TAFA1: variants seen among roughly 807,000 people sequenced by gnomAD.
The protein encoded by TAFA1 is chemokine-like protein TAFA-1.
In TAFA1, 4 loss-of-function variants were observed where a neutral mutation model predicts 18.5. The ratio of observed to expected loss-of-function variants is 0.22; its 90% CI spans 0.11 to 0.49. TAFA1 has a LOEUF of 0.49. Among genes scored for constraint, TAFA1 ranks in the 20% least tolerant of loss-of-function variants. The pLI is 0.98. For synonymous variants in TAFA1, 56 were observed against 55.2 expected (o/e 1.01, Z -0.06); for missense variants, 147 against 169.0 (o/e 0.87, Z 0.72).
At chr3:68,322,685 G>A (rs2068714030) in intron 2 of TAFA1, among the ~76,000 whole-genome samples, 1 of 152,168 alleles carries the variant, frequency 6.6e-6, no homozygotes, top group African/African-American at 2.4e-5. Context: ...GCTCATGCCT[G>A]TAATCCCAGC....
chr3:68,105,254 G>A (rs1326443170), intron 2 of TAFA1, among the ~76,000 whole-genome samples: 1 of 152,008 alleles, frequency 6.6e-6, no homozygotes, highest in Non-Finnish European at 1.5e-5. Flanking sequence ...GATTTGGAGG[G>A]GACATTCAAA....
intron 2 of TAFA1, among the ~76,000 whole-genome samples, chr3:68,333,905 C>G (rs7614996): frequency 0.17 from 25,937 of 152,108 alleles, 2,662 homozygotes; most frequent in South Asian, 0.23. Context: ...CCATCCACAG[C>G]AAGACAAATA....
At chr3:68,032,330 C>A (rs1704952663) in intron 2 of TAFA1, among the ~76,000 whole-genome samples, 3 of 152,018 alleles carry the variant, frequency 2.0e-5, no homozygotes, top group Admixed American at 6.6e-5. Context: ...ATTTAGTCTA[C>A]CCTTGTTTTG....
the TAFA1 span, among the ~76,000 whole-genome samples, chr3:67,995,135 C>G: frequency 2.0e-5 from 3 of 152,302 alleles, no homozygotes; most frequent in East Asian, 1.9e-4. Flanking sequence ...AGATGCCTAC[C>G]TTGGGCTAAC....
chr3:68,529,794 T>C (rs1336815979), intron 3 of TAFA1, among the ~76,000 whole-genome samples: 2 of 152,134 alleles, frequency 1.3e-5, no homozygotes, highest in African/African-American at 2.4e-5. Flanking sequence ...CCCTCCCCTG[T>C]AGGGGAATTG....
intron 2 of TAFA1, among the ~76,000 whole-genome samples, chr3:68,396,922 T>A (rs957997608): frequency 6.6e-6 from 1 of 152,186 alleles, no homozygotes; most frequent in Non-Finnish European, 1.5e-5. Flanking sequence ...TACAACTGAT[T>A]GTCTTTCACC....
intron 2 of TAFA1, among the ~76,000 whole-genome samples, chr3:68,127,919 T>G (rs1482107610): frequency 4.6e-5 from 7 of 150,902 alleles, no homozygotes; most frequent in African/African-American, 1.7e-4. Flanking sequence ...GTTGTGGTGA[T>G]GCTTATGGCA....
In TAFA1 at chr3:68,311,917, C is replaced by T. The variant is rs187104001; in HGVS notation, c.119-105363C>T. Among the ~76,000 whole-genome samples the T allele has an allele frequency of 2.3e-3, 346 of 152,344 alleles. 2 individuals are homozygous for T. The highest frequency in any genetic ancestry group is 8.1e-3 in the African/African-American group (335 of 41,586). ...GCAGAGGTTCTCCATGAGGGGCATG[C>T]CCCTGCAGCAAACTTCTGCCTAGGC... On this transcript the variant is annotated intron_variant, in intron 2 of 4. Coordinates refer to ENST00000478136, the MANE Select transcript of TAFA1 (RefSeq NM_213609.4).
intron 2 of TAFA1, among the ~76,000 whole-genome samples, chr3:68,264,700 G>T (rs1030436046): frequency 1.4e-4 from 13 of 95,636 alleles, no homozygotes; most frequent in East Asian, 2.3e-4. Context: ...TTTATAGAAA[G>T]TATATATAGA....
intron 2 of TAFA1, among the ~76,000 whole-genome samples, chr3:68,349,146 G>C (rs529843645): frequency 1.1e-4 from 17 of 151,692 alleles, no homozygotes; most frequent in African/African-American, 4.1e-4. Context: ...CATAAAATTT[G>C]AGATCAATTC....
At chr3:68,305,400 ACTATAT>A (rs372026894) in intron 2 of TAFA1, among the ~76,000 whole-genome samples, 4,164 of 72,690 alleles carry the variant, frequency 0.057, 331 homozygotes, top group East Asian at 0.25. Context: ...ACTATATATG[ACTATAT>A]GACTATATAT....
At chr3:68,180,496 G>A (rs1227004341) in intron 2 of TAFA1, among the ~76,000 whole-genome samples, 1 of 152,144 alleles carries the variant, frequency 6.6e-6, no homozygotes, top group Admixed American at 6.5e-5. Context: ...AGCCCATATT[G>A]TCCCAACATA....
intron 2 of TAFA1, among the ~76,000 whole-genome samples, chr3:68,241,553 G>C (rs993585495): frequency 9.2e-5 from 14 of 152,160 alleles, no homozygotes; most frequent in Non-Finnish European, 1.9e-4. Context: ...CTGAACTCCA[G>C]CTAAGTGTGC....
chr3:68,140,982 C>T lies in TAFA1; in HGVS notation c.118+134238C>T, dbSNP rs1031163119. Among the ~76,000 whole-genome samples the T allele has an allele frequency of 9.2e-5, 14 of 152,148 alleles. 1 individual carries two copies. The highest frequency in any genetic ancestry group is 2.4e-5 in the African/African-American group (1 of 41,432). On this transcript the variant is annotated intron_variant, in intron 2 of 4. Transcript: ENST00000478136. ...TGACTTCAATGAGCTTAAAAAGAAA[C>T]ATACCAAACCTGAGTTAGAGAATGA...
intron 2 of TAFA1, among the ~76,000 whole-genome samples, chr3:68,042,661 CAAA>C (rs978791772): frequency 6.6e-6 from 1 of 152,064 alleles, no homozygotes; most frequent in Non-Finnish European, 1.5e-5. Flanking sequence ...AACACACAAA[CAAA>C]AACTTTATGT....
intron 2 of TAFA1, among the ~76,000 whole-genome samples, chr3:68,030,867 C>T (rs78024972): frequency 0.012 from 1,792 of 152,202 alleles, 27 homozygotes; most frequent in Non-Finnish European, 0.02. Context: ...TTGGTTTGCT[C>T]CTTGTAGCAA....
chr3:68,224,439 A>G (rs2066771306), intron 2 of TAFA1, among the ~76,000 whole-genome samples: 1 of 152,104 alleles, frequency 6.6e-6, no homozygotes, highest in Admixed American at 6.6e-5. Flanking sequence ...AATTTTTGCA[A>G]CCTATTCCGA....
At chr3:68,459,378 T>C (rs2071730928) in intron 3 of TAFA1, among the ~76,000 whole-genome samples, 1 of 152,224 alleles carries the variant, frequency 6.6e-6, no homozygotes, top group South Asian at 2.1e-4. Context: ...GGAAAAATTC[T>C]TCCCATACTT....
chr3:68,301,144 C>T (rs13434197), intron 2 of TAFA1, among the ~76,000 whole-genome samples: 5,630 of 150,602 alleles, frequency 0.037, 340 homozygotes, highest in African/African-American at 0.13. Context: ...CAATCCTAAC[C>T]CCACCCCCAA....
Sources: gnomAD v4.1 joint callset for allele counts (sites outside exome capture counted in the v4.1 genomes callset) on GRCh38, gnomAD v4.1.1 for gene constraint, MANE v1.5 for transcripts, NCBI Gene and HGNC (gene_info 2026-07-23, HGNC 2026-07-21) for gene names.